The following EXOC6B variants were observed in gnomAD, a reference collection of about 807,000 sequenced individuals.
The protein encoded by EXOC6B is SEC15 homolog B.
EXOC6B carries 54 observed loss-of-function variants against 113.5 expected under a neutral mutation model. The observed-to-expected ratio is 0.48, with a 90% CI of 0.38 to 0.60. EXOC6B has a LOEUF of 0.60. Among genes scored for constraint, EXOC6B ranks in the 20% least tolerant of loss-of-function variants. The pLI is 0.00. For missense variants in EXOC6B, 797 were observed against 977.5 expected (o/e 0.82, Z 2.46); for synonymous variants, 357 against 339.0 (o/e 1.05, Z -0.58).
At chr2:72,530,823 A>G (rs1215090278) in intron 8 of EXOC6B, among the ~76,000 whole-genome samples, 1 of 152,118 alleles carries the variant, frequency 6.6e-6, no homozygotes, top group Admixed American at 6.5e-5. Context: ...TTACCATTAT[A>G]TAATAAACCT....
chr2:72,713,084 T>C (rs540062756), intron 6 of EXOC6B, among the ~76,000 whole-genome samples: 1 of 152,194 alleles, frequency 6.6e-6, no homozygotes, highest in Non-Finnish European at 1.5e-5. Context: ...AATTTACTCA[T>C]TGAAGTTTAA....
intron 8 of EXOC6B, among the ~76,000 whole-genome samples, chr2:72,525,990 G>T (rs1008835607): frequency 1.3e-5 from 2 of 152,056 alleles, no homozygotes; most frequent in African/African-American, 4.8e-5. Context: ...AAAGTTGGTA[G>T]TTTTCTAAAG....
At chr2:72,419,313 T>A (rs1312552359) in intron 18 of EXOC6B, among the ~76,000 whole-genome samples, 2 of 152,324 alleles carry the variant, frequency 1.3e-5, no homozygotes, top group East Asian at 3.9e-4. Context: ...TAAAATCATA[T>A]CTAAAACAAA....
chr2:72,189,150 C>A (rs532970685), intron 20 of EXOC6B, among the ~76,000 whole-genome samples: 3 of 152,176 alleles, frequency 2.0e-5, no homozygotes, highest in Non-Finnish European at 4.4e-5. Context: ...TGTTCCACTA[C>A]ATGATATAAT....
chr2:72,272,492 T>C, intron 20 of EXOC6B, among the ~76,000 whole-genome samples: 1 of 152,254 alleles, frequency 6.6e-6, no homozygotes, highest in East Asian at 1.9e-4. Context: ...GGTGCTTTCC[T>C]CATCACTGCA....
At position 72,513,314 on chromosome 2, in the gene EXOC6B, G is replaced by A. The variant is rs964822051; in HGVS notation, c.1047-62C>T. The stretch of plus-strand genomic sequence containing the variant: ...AATTACAGTTTTATTACTCTCTCTG[G>A]GGTTTGACAAGCATTAAGAGATACC... On this transcript the variant is annotated intron_variant, in intron 10 of 21. Transcript: ENST00000272427. 8 of 1,595,300 alleles carry A rather than the reference G, an allele frequency of 5.0e-6. No individual in the cohort carries two copies. The Admixed American group carries it at 7.0e-5, about 14-fold the overall frequency.
At chr2:72,465,638 A>C (rs2105421133) in intron 17 of EXOC6B, among the ~76,000 whole-genome samples, 1 of 152,354 alleles carries the variant, frequency 6.6e-6, no homozygotes, top group East Asian at 1.9e-4. Context: ...AAAGGCTCTA[A>C]GAAGTATGGT....
chr2:72,690,776 C>A (rs1324429206), intron 6 of EXOC6B, among the ~76,000 whole-genome samples: 2 of 152,162 alleles, frequency 1.3e-5, no homozygotes, highest in Non-Finnish European at 2.9e-5. Flanking sequence ...GAGAAAGATG[C>A]TGGACATGTC....
rs1677820282 is a variant in EXOC6B at position 72,177,725 on chromosome 2, C to G, written c.*1610G>C. 1 of 152,044 alleles carries G rather than the reference C, an allele frequency of 6.6e-6. No homozygotes were observed. Among genetic ancestry groups the G allele is most frequent in the Admixed American group, 6.6e-5 (1 of 15,260 alleles). The allele number at this position is 152,044 out of a possible 1,614,324, so 9.4% of individuals were successfully genotyped here. ...GTGAGGTAGGGGGGTTGGGGAGGGG[C>G]AAGGAAGTACTTCCCTCCCCAGAAG... is the stretch of plus-strand genomic sequence containing the variant. On this transcript the variant is annotated 3_prime_UTR_variant, in exon 22 of 22. Coordinates refer to ENST00000272427, the MANE Select transcript of EXOC6B (RefSeq NM_015189.3).
chr2:72,561,714 A>T (rs908350937), intron 7 of EXOC6B, among the ~76,000 whole-genome samples: 63 of 152,222 alleles, frequency 4.1e-4, no homozygotes, highest in African/African-American at 1.4e-3. Context: ...CATACTATTT[A>T]AAAAAATGGA....
chr2:72,563,675 G>A (rs1402417320), intron 7 of EXOC6B, among the ~76,000 whole-genome samples: 2 of 152,090 alleles, frequency 1.3e-5, no homozygotes, highest in East Asian at 3.9e-4. Flanking sequence ...ATTAGATGAT[G>A]AGGTGAAAAG....
At chr2:72,685,817 C>T (rs1677048926) in intron 6 of EXOC6B, among the ~76,000 whole-genome samples, 1 of 152,184 alleles carries the variant, frequency 6.6e-6, no homozygotes, top group Non-Finnish European at 1.5e-5. Flanking sequence ...TTAATCCATG[C>T]AGGACATGTT....
At chr2:72,274,296 T>C (rs1301713830) in intron 20 of EXOC6B, among the ~76,000 whole-genome samples, 1 of 152,168 alleles carries the variant, frequency 6.6e-6, no homozygotes, top group Non-Finnish European at 1.5e-5. Context: ...GACTGTAAAG[T>C]CAATTTTTTA....
intron 17 of EXOC6B, among the ~76,000 whole-genome samples, chr2:72,479,629 T>C (rs1698956530): frequency 6.6e-6 from 1 of 152,220 alleles, no homozygotes; most frequent in Admixed American, 6.5e-5. Context: ...GTTAGATCCA[T>C]ATTTTTAATG....
At chr2:72,814,002 G>A (rs1376401722) in intron 1 of EXOC6B, among the ~76,000 whole-genome samples, 2 of 152,166 alleles carry the variant, frequency 1.3e-5, no homozygotes, top group Non-Finnish European at 1.5e-5. Flanking sequence ...CTGATATGTT[G>A]AGAACAACAA....
chr2:72,303,748 C>T (rs752663136), intron 20 of EXOC6B, among the ~76,000 whole-genome samples: 35 of 152,302 alleles, frequency 2.3e-4, no homozygotes, highest in African/African-American at 7.7e-4. Context: ...ATTTGAAGGA[C>T]ATAAGACATT....
chr2:72,481,000 G>A (rs1420115821), intron 16 of EXOC6B, among the ~76,000 whole-genome samples: 2 of 152,186 alleles, frequency 1.3e-5, no homozygotes, highest in Non-Finnish European at 1.5e-5. Context: ...TGTATCAAGG[G>A]AGAGACCAGG....
intron 8 of EXOC6B, among the ~76,000 whole-genome samples, chr2:72,523,670 A>G (rs867921406): frequency 6.7e-6 from 1 of 149,612 alleles, no homozygotes; most frequent in East Asian, 2.0e-4. Flanking sequence ...AGTCCCAGCT[A>G]CTCGGGAGGC....
chr2:72,244,963 A>G (rs1164008064), intron 20 of EXOC6B, among the ~76,000 whole-genome samples: 1 of 152,196 alleles, frequency 6.6e-6, no homozygotes, highest in Non-Finnish European at 1.5e-5. Flanking sequence ...GAAAACTACA[A>G]AAATATGATG....
Sources: allele counts gnomAD v4.1 joint callset (sites outside exome capture counted in the v4.1 genomes callset), GRCh38; gene constraint gnomAD v4.1.1; transcripts MANE v1.5; gene names NCBI Gene and HGNC (gene_info 2026-07-23, HGNC 2026-07-21).